The following BAZ1B variants were observed in gnomAD, a reference collection of about 807,000 sequenced individuals.
BAZ1B encodes tyrosine-protein kinase BAZ1B.
BAZ1B carries 22 observed loss-of-function variants against 153.8 expected under a neutral mutation model. That is an observed-to-expected ratio of 0.14 (90% confidence interval 0.10 to 0.20). The LOEUF (loss-of-function observed/expected upper bound fraction) is 0.20. Among genes scored for constraint, BAZ1B ranks in the 10% least tolerant of loss-of-function variants. BAZ1B has a pLI of 1.00. For synonymous variants in BAZ1B, 676 were observed against 633.4 expected (o/e 1.07, Z -1.01); for missense variants, 1,325 against 1,799.3 (o/e 0.74, Z 4.77).
At chr7:73,500,903 AAAAC>A (rs1374579110) in intron 3 of BAZ1B, among the ~76,000 whole-genome samples, 1 of 151,250 alleles carries the variant, frequency 6.6e-6, no homozygotes, top group Admixed American at 6.6e-5. Context: ...AAAAAAAAAA[AAAAC>A]AGAGTTCAAA....
At chr7:73,510,923 A>G (rs1790551243) in intron 1 of BAZ1B, 71 bp from the exon 2 acceptor site, 1 of 1,252,178 alleles carries the variant, frequency 8.0e-7, no homozygotes, top group Non-Finnish European at 1.1e-6. Flanking sequence ...TAAGATACTT[A>G]TATACAGAAA....
At chr7:73,498,742 A>G (rs1554576710) in intron 3 of BAZ1B, 44 bp from the exon 4 acceptor site, 2 of 1,535,782 alleles carry the variant, frequency 1.3e-6, no homozygotes, top group Admixed American at 3.4e-5. Context: ...ATAAACACCC[A>G]GAAACCTGAA....
intron 1 of BAZ1B, 81 bp downstream of exon 1, chr7:73,521,746 G>A (rs1267071185): frequency 5.6e-6 from 7 of 1,247,398 alleles, no homozygotes; most frequent in African/African-American, 1.6e-5. Flanking sequence ...GGGGATGCGC[G>A]GCTGACCTGG....
intron 7 of BAZ1B, among the ~76,000 whole-genome samples, chr7:73,474,266 C>T (rs928962640): frequency 8.5e-5 from 13 of 152,080 alleles, no homozygotes; most frequent in Non-Finnish European, 1.5e-5. Flanking sequence ...TTTTACCTTA[C>T]ACTATAAAAA....
At chr7:73,508,295 G>GT (rs1790427730) in intron 3 of BAZ1B, 32 bp downstream of exon 3, 2 of 1,604,560 alleles carry the variant, frequency 1.2e-6, no homozygotes, top group Non-Finnish European at 8.5e-7. Flanking sequence ...AATTCTGATG[G>GT]TAAGTCAAAT....
At chr7:73,461,749 TG>T (rs1260210788) in intron 12 of BAZ1B, among the ~76,000 whole-genome samples, 1 of 152,096 alleles carries the variant, frequency 6.6e-6, no homozygotes, top group African/African-American at 2.4e-5. Flanking sequence ...AAAAATGGCA[TG>T]GGGGAATGCA....
In BAZ1B at chr7:73,466,419, A is replaced by T; in HGVS notation, c.2867-18T>A. The stretch of plus-strand genomic sequence containing the variant: ...TTTCTTACCTAAGAAAAATTGAGAC[A>T]TTAGGTTGACTTTAGTAAATACCCA... On this transcript the variant is annotated intron_variant, in intron 9 of 19. Coordinates refer to ENST00000339594, the MANE Select transcript of BAZ1B (RefSeq NM_032408.4). 6.4e-7 allele frequency: 1 copy of T among 1,573,368 alleles called. No homozygotes were observed. The highest frequency in any genetic ancestry group is 2.2e-5 in the East Asian group (1 of 44,666).
rs372834397 is a variant in BAZ1B at position 73,508,444 on chromosome 7, A to G, written c.252T>C (p.Tyr84=). Reference sequence around the variant, plus strand: ...GAACCATTTCCAGAACAAGCTTCTCATACCAGGCAGGAAACTCCTCCTTCA... The same window carrying G: ...GAACCATTTCCAGAACAAGCTTCTCGTACCAGGCAGGAAACTCCTCCTTCA... ...ELLKEEFPAW[Y]EKLVLEMVHH... The change falls in exon 3 of 20, where the codon TAT becomes TAC. Residue 84 remains tyrosine, a synonymous_variant. Transcript: ENST00000339594. The G allele has an allele frequency of 4.5e-5, 72 of 1,612,780 alleles. No homozygotes were observed. The highest frequency in any genetic ancestry group is 5.8e-5 in the Non-Finnish European group (68 of 1,179,420).
At chr7:73,458,553 G>T (rs528447446) in intron 13 of BAZ1B, among the ~76,000 whole-genome samples, 1 of 151,880 alleles carries the variant, frequency 6.6e-6, no homozygotes, top group East Asian at 1.9e-4. Context: ...GCATGCACCT[G>T]CAATTCCAGC....
chr7:73,492,653 C>G (rs1017328261), intron 5 of BAZ1B, 147 bp downstream of exon 5: 60 of 701,582 alleles, frequency 8.6e-5, no homozygotes, highest in Middle Eastern at 8.4e-4. Context: ...AACTTGAAGT[C>G]ATTAATTACT....
At chr7:73,517,459 T>G (rs1790853093) in intron 1 of BAZ1B, among the ~76,000 whole-genome samples, 1 of 151,626 alleles carries the variant, frequency 6.6e-6, no homozygotes, top group Non-Finnish European at 1.5e-5. Flanking sequence ...CACACATCAC[T>G]GCACTCCAGC....
chr7:73,455,003 GCGCCACCA>G lies in BAZ1B; in HGVS notation c.3433-4017_3433-4010del, dbSNP rs1332679766. 2.6e-5 allele frequency among the ~76,000 whole-genome samples: 4 copies of G among 151,710 alleles called. No homozygotes were observed. In the East Asian group the frequency reaches 7.7e-4, roughly 29 times the overall value. On this transcript the variant is annotated intron_variant, in intron 13 of 19. Transcript: ENST00000339594. ...CCTGAGTAGCTGGGACTACAGGCTC[GCGCCACCA>G]CACCACCACACTCGGGGTGTGTGTG...
intron 12 of BAZ1B, 97 bp downstream of exon 12, chr7:73,462,825 C>T: frequency 7.6e-7 from 1 of 1,316,492 alleles, no homozygotes; most frequent in Non-Finnish European, 1.1e-6. Flanking sequence ...ATCTGATTTC[C>T]AGGAGGGTCA....
rs782033973 is a variant in BAZ1B at position 73,498,482 on chromosome 7, T to C, written c.571+15A>G. On this transcript the variant is annotated intron_variant, in intron 4 of 19. Transcript: ENST00000339594. Reference sequence around the variant, plus strand: ...GATCTCATAAAACACTAAGGAAAGCTAATATCAAACATACTAATACTCTCT... The same window carrying C: ...GATCTCATAAAACACTAAGGAAAGCCAATATCAAACATACTAATACTCTCT... 3 of 1,606,410 alleles carry C rather than the reference T, an allele frequency of 1.9e-6. No homozygotes were observed. Among genetic ancestry groups the C allele is most frequent in the Non-Finnish European group, 2.6e-6 (3 of 1,173,260 alleles).
chr7:73,442,072 G>T, intron 19 of BAZ1B, 109 bp downstream of exon 19: 1 of 771,910 alleles, frequency 1.3e-6, no homozygotes, highest in Non-Finnish European at 2.1e-6. Context: ...GCATAAGCTT[G>T]GGATGACAGG....
intron 13 of BAZ1B, 103 bp from the exon 14 acceptor site, chr7:73,451,097 C>A: frequency 7.3e-7 from 1 of 1,377,534 alleles, no homozygotes; most frequent in Non-Finnish European, 9.8e-7. Context: ...GGACACTTGC[C>A]TCCTAGAACT....
chr7:73,462,632 A>G (rs1337755213), intron 12 of BAZ1B: 1 of 372,190 alleles, frequency 2.7e-6, no homozygotes, highest in Non-Finnish European at 5.0e-6. Flanking sequence ...ATGTTAAATG[A>G]TGCTATACGA....
chr7:73,457,534 G>A (rs1411510615), intron 13 of BAZ1B, among the ~76,000 whole-genome samples: 4 of 152,126 alleles, frequency 2.6e-5, no homozygotes, highest in African/African-American at 7.2e-5. Flanking sequence ...GCCAAAAGAC[G>A]GAAGCAACCC....
intron 7 of BAZ1B, among the ~76,000 whole-genome samples, chr7:73,471,385 T>TAGAAA (rs1270069362): frequency 7.9e-5 from 12 of 152,180 alleles, no homozygotes; most frequent in Non-Finnish European, 1.0e-4. Context: ...ATTAATTAGG[T>TAGAAA]TTATTCAGTT....
Sources: gnomAD v4.1 joint callset for allele counts (sites outside exome capture counted in the v4.1 genomes callset) on GRCh38, gnomAD v4.1.1 for gene constraint, MANE v1.5 for transcripts, NCBI Gene and HGNC (gene_info 2026-07-23, HGNC 2026-07-21) for gene names.